Variants in FBXL17 observed in about 807,000 individuals in gnomAD.
The protein encoded by FBXL17 is F-box/LRR-repeat protein 17.
A neutral mutation model predicts 66.2 loss-of-function variants in FBXL17; 22 were observed. The ratio of observed to expected loss-of-function variants is 0.33; its 90% CI spans 0.24 to 0.47. The LOEUF (loss-of-function observed/expected upper bound fraction) is 0.47, where lower values mean the gene tolerates loss of function less well. FBXL17 is among the 20% of genes least tolerant of loss of function. The probability of loss-of-function intolerance (pLI) is 1.00; values close to 1 mark genes in which losing one functional copy is unlikely to be tolerated. For synonymous variants in FBXL17, 474 were observed against 400.5 expected (o/e 1.18, Z -2.19); for missense variants, 878 against 948.2 (o/e 0.93, Z 0.97).
Position 107,918,239 on chromosome 5 carries a change from C to T in FBXL17, c.1823-37060G>A, listed in dbSNP as rs183387014. ...CTCCCTGGAGGCTGTGGGGCTGGGG[C>T]GGCCCTTATGGTGGCAAAACCAGAA... On this transcript the variant is annotated intron_variant, in intron 7 of 8. Coordinates refer to ENST00000542267, the MANE Select transcript of FBXL17 (RefSeq NM_001163315.3). Among the ~76,000 whole-genome samples the T allele has an allele frequency of 2.9e-3, 436 of 152,262 alleles. 2 individuals carry two copies. Among genetic ancestry groups the T allele is most frequent in the Middle Eastern group, 6.8e-3 (2 of 294 alleles).
At chr5:108,376,598 T>C (rs1749439031) in intron 1 of FBXL17, among the ~76,000 whole-genome samples, 2 of 152,180 alleles carry the variant, frequency 1.3e-5, no homozygotes, top group Admixed American at 1.3e-4. Flanking sequence ...ATGTTTCCTT[T>C]CTTTTACCAT....
Position 108,372,969 on chromosome 5 carries a change from T to C in FBXL17, c.994-5016A>G, listed in dbSNP as rs1246347857. On this transcript the variant is annotated intron_variant, in intron 1 of 8. Coordinates refer to ENST00000542267, the MANE Select transcript of FBXL17 (RefSeq NM_001163315.3). ...AACAGTAATTATGAATCTATATTGA[T>C]TGGCACAAAATTCATAAAGCTGTAA... Among the ~76,000 whole-genome samples the C allele has an allele frequency of 3.3e-5, 5 of 152,052 alleles. No homozygotes were observed. The East Asian group carries it at 7.7e-4, about 23-fold the overall frequency.
chr5:108,243,178 T>C (rs1469333919), intron 4 of FBXL17, among the ~76,000 whole-genome samples: 3 of 152,196 alleles, frequency 2.0e-5, no homozygotes, highest in East Asian at 1.9e-4. Context: ...GAGAAAGACA[T>C]TGGTCTACAA....
At position 108,381,031 on chromosome 5, in the gene FBXL17, CGCA is replaced by C; in HGVS notation, c.658_660del (p.Cys220del). 8.4e-7 allele frequency: 1 copy of C among 1,187,036 alleles called. No individual in the cohort carries two copies. The highest frequency in any genetic ancestry group is 1.0e-6 in the Non-Finnish European group (1 of 959,246). 73.5% of individuals were successfully genotyped at this position (1,187,036 alleles called of 1,614,324 possible). A position where few individuals can be genotyped will look rare whatever the true frequency, so the allele number is the denominator to read the frequency against. ...CCGCCACCGCCGCCGCCGCCGCCGC[CGCA>C]GCCCCCGCCGCCGCAGCGGGGCTGC... is the stretch of plus-strand genomic sequence containing the variant. On this transcript the variant is annotated inframe_deletion, in exon 1 of 9. Coordinates refer to ENST00000542267, the MANE Select transcript of FBXL17 (RefSeq NM_001163315.3).
At chr5:108,041,862 A>G (rs1397973736) in intron 6 of FBXL17, among the ~76,000 whole-genome samples, 1 of 152,186 alleles carries the variant, frequency 6.6e-6, no homozygotes, top group Non-Finnish European at 1.5e-5. Context: ...ACGTTTTACT[A>G]TACTTCTTCT....
At chr5:107,903,158 A>T (rs1367019269) in intron 7 of FBXL17, among the ~76,000 whole-genome samples, 3 of 152,158 alleles carry the variant, frequency 2.0e-5, no homozygotes, top group African/African-American at 7.2e-5. Flanking sequence ...ACTCTGGAAA[A>T]TATTTGATAT....
At chr5:108,146,669 G>C (rs951323307) in intron 6 of FBXL17, among the ~76,000 whole-genome samples, 1 of 152,152 alleles carries the variant, frequency 6.6e-6, no homozygotes, top group Non-Finnish European at 1.5e-5. Context: ...GACTCCTGGA[G>C]AGTCAGTCAT....
At position 108,079,318 on chromosome 5, in the gene FBXL17, A is replaced by C. The variant is rs559039946; in HGVS notation, c.1746-58317T>G. ...AGTATCTAGACTATGTTGCTGAAAA[A>C]TAGTTGTGTAATAATGGAGCAAAGT... On this transcript the variant is annotated intron_variant, in intron 6 of 8. Transcript: ENST00000542267. Among the ~76,000 whole-genome samples the C allele has an allele frequency of 8.8e-4, 134 of 152,272 alleles. 1 individual carries two copies. The highest frequency in any genetic ancestry group is 3.0e-3 in the African/African-American group (125 of 41,564).
At chr5:108,170,080 A>G (rs989568771) in intron 6 of FBXL17, among the ~76,000 whole-genome samples, 1 of 152,246 alleles carries the variant, frequency 6.6e-6, no homozygotes, top group Non-Finnish European at 1.5e-5. Flanking sequence ...ATTCACACAT[A>G]GCAAAATATT....
chr5:108,013,536 G>A (rs1357229324), intron 7 of FBXL17, among the ~76,000 whole-genome samples: 1 of 151,976 alleles, frequency 6.6e-6, no homozygotes, highest in Non-Finnish European at 1.5e-5. Flanking sequence ...CCCAAATATT[G>A]CAGTCTATGA....
intron 7 of FBXL17, among the ~76,000 whole-genome samples, chr5:107,956,930 G>T (rs1161472822): frequency 1.3e-5 from 2 of 152,100 alleles, no homozygotes; most frequent in Non-Finnish European, 2.9e-5. Flanking sequence ...ACAAATTTTT[G>T]AGTTTTCTCA....
intron 3 of FBXL17, among the ~76,000 whole-genome samples, chr5:108,348,878 C>T (rs1427302648): frequency 2.6e-5 from 4 of 152,168 alleles, no homozygotes; most frequent in Admixed American, 6.5e-5. Context: ...AATCATGGCT[C>T]ACTGCAGCCT....
chr5:108,270,114 A>G (rs1351506402), intron 4 of FBXL17, among the ~76,000 whole-genome samples: 1 of 152,100 alleles, frequency 6.6e-6, no homozygotes, highest in Non-Finnish European at 1.5e-5. Context: ...AGAAGTAAAC[A>G]ATCTCCAGCA....
intron 6 of FBXL17, among the ~76,000 whole-genome samples, chr5:108,136,683 G>A (rs1751147754): frequency 6.6e-6 from 1 of 152,104 alleles, no homozygotes; most frequent in Admixed American, 6.6e-5. Flanking sequence ...TATTAAATTT[G>A]CACTGTGGAT....
intron 2 of FBXL17, among the ~76,000 whole-genome samples, chr5:108,365,904 T>C (rs1748629205): frequency 6.6e-6 from 1 of 152,048 alleles, no homozygotes; most frequent in South Asian, 2.1e-4. Context: ...CCTAAAAATC[T>C]ATCCTTAGTG....
At chr5:108,092,442 A>G (rs1054988444) in intron 6 of FBXL17, among the ~76,000 whole-genome samples, 16 of 152,036 alleles carry the variant, frequency 1.1e-4, no homozygotes, top group African/African-American at 3.6e-4. Context: ...TATGGTTCCT[A>G]CTCACATACA....
At chr5:108,102,820 C>A (rs989450048) in intron 6 of FBXL17, among the ~76,000 whole-genome samples, 2 of 152,058 alleles carry the variant, frequency 1.3e-5, no homozygotes, top group African/African-American at 2.4e-5. Flanking sequence ...GAATTCCTGG[C>A]AGAATAAATA....
At chr5:108,154,793 C>A (rs996276122) in intron 6 of FBXL17, among the ~76,000 whole-genome samples, 8 of 149,702 alleles carry the variant, frequency 5.3e-5, no homozygotes, top group Non-Finnish European at 8.9e-5. Context: ...ATGAAGGAGA[C>A]CCAGCCAACC....
At chr5:108,337,082 CCT>C (rs1047603176) in intron 4 of FBXL17, among the ~76,000 whole-genome samples, 18 of 151,692 alleles carry the variant, frequency 1.2e-4, no homozygotes. Context: ...ATGGTGAAAC[CCT>C]GTCTCTACTA....
Sources: allele counts gnomAD v4.1 joint callset (sites outside exome capture counted in the v4.1 genomes callset), GRCh38; gene constraint gnomAD v4.1.1; transcripts MANE v1.5; gene names NCBI Gene and HGNC (gene_info 2026-07-23, HGNC 2026-07-21).